Variants in SHANK2 observed in about 807,000 individuals in gnomAD.
The protein encoded by SHANK2 is SH3 and multiple ankyrin repeat domains 2.
In SHANK2, 43 loss-of-function variants were observed where a neutral mutation model predicts 133.7. The observed-to-expected ratio is 0.32, with a 90% CI of 0.25 to 0.41. SHANK2 has a LOEUF of 0.41. Ranked by LOEUF, SHANK2 falls within the 10% of genes least tolerant of loss-of-function variation. SHANK2 has a pLI of 1.00. For missense variants in SHANK2, 1,994 were observed against 2,235.8 expected (o/e 0.89, Z 2.18); for synonymous variants, 1,017 against 952.8 (o/e 1.07, Z -1.24).
intron 17 of SHANK2, among the ~76,000 whole-genome samples, chr11:70,528,234 T>C (rs1278493192): frequency 6.6e-6 from 1 of 152,184 alleles, no homozygotes; most frequent in East Asian, 1.9e-4. Flanking sequence ...GAGGGTCAGG[T>C]TGTCCATGTG....
intron 17 of SHANK2, among the ~76,000 whole-genome samples, chr11:70,550,612 G>A (rs1468815799): frequency 6.6e-6 from 1 of 152,180 alleles, no homozygotes; most frequent in Non-Finnish European, 1.5e-5. Flanking sequence ...CTCGCATTTG[G>A]TCCCGGATTC....
chr11:71,167,415 T>A (rs1340460457), intron 2 of SHANK2, among the ~76,000 whole-genome samples: 1 of 143,676 alleles, frequency 7.0e-6, no homozygotes, highest in Non-Finnish European at 1.5e-5. Flanking sequence ...GGCGGGGGGC[T>A]GACCCCCCCC....
At chr11:71,131,048 G>A (rs1317054608) in intron 3 of SHANK2, among the ~76,000 whole-genome samples, 1 of 152,220 alleles carries the variant, frequency 6.6e-6, no homozygotes, top group African/African-American at 2.4e-5. Flanking sequence ...CACAAGCTTG[G>A]CAGGGGCCAC....
chr11:70,936,250 G>T (rs1276144278), intron 10 of SHANK2, among the ~76,000 whole-genome samples: 1 of 152,198 alleles, frequency 6.6e-6, no homozygotes, highest in Non-Finnish European at 1.5e-5. Flanking sequence ...GGTGGCTCAC[G>T]CCTGTAATCC....
chr11:70,718,592 G>A (rs1328549562), intron 14 of SHANK2, among the ~76,000 whole-genome samples: 1 of 152,218 alleles, frequency 6.6e-6, no homozygotes, highest in Non-Finnish European at 1.5e-5. Flanking sequence ...ATACCTGCAA[G>A]GACTTCTCGG....
chr11:70,571,369 G>T (rs1279878969), intron 17 of SHANK2: 1 of 152,238 alleles, frequency 6.6e-6, no homozygotes, highest in South Asian at 2.1e-4. Context: ...GAGAATCAAC[G>T]CCAGGCTCTC....
chr11:70,547,564 C>T (rs1457091290), intron 17 of SHANK2, among the ~76,000 whole-genome samples: 1 of 152,126 alleles, frequency 6.6e-6, no homozygotes, highest in South Asian at 2.1e-4. Context: ...CCTGTCCTAT[C>T]GCTTTAACTT....
At chr11:70,754,188 C>A (rs1227014648) in intron 14 of SHANK2, among the ~76,000 whole-genome samples, 1 of 152,120 alleles carries the variant, frequency 6.6e-6, no homozygotes, top group Non-Finnish European at 1.5e-5. Context: ...CCAATCATTT[C>A]AAGAAGCAGC....
At chr11:70,494,684 C>T (rs1178798061) in intron 21 of SHANK2, among the ~76,000 whole-genome samples, 3 of 152,210 alleles carry the variant, frequency 2.0e-5, no homozygotes, top group Non-Finnish European at 4.4e-5. Flanking sequence ...AGCACACTTA[C>T]CATGGGGCCC....
chr11:70,704,010 AC>A (rs1287527248), intron 14 of SHANK2, among the ~76,000 whole-genome samples: 1 of 152,208 alleles, frequency 6.6e-6, no homozygotes, highest in Non-Finnish European at 1.5e-5. Context: ...GCCTGGGACC[AC>A]AGCGGGGACA....
At chr11:71,116,753 G>T (rs1017664536) in intron 4 of SHANK2, among the ~76,000 whole-genome samples, 4 of 152,206 alleles carry the variant, frequency 2.6e-5, no homozygotes, top group African/African-American at 9.6e-5. Flanking sequence ...TCCTGGGGCG[G>T]ATCCCTCCTG....
intron 2 of SHANK2, among the ~76,000 whole-genome samples, chr11:71,183,434 ACT>A (rs10559863): frequency 0.36 from 53,945 of 151,906 alleles, 9,755 homozygotes; most frequent in South Asian, 0.5. Context: ...CTGGGCCAAG[ACT>A]CTGGCATGCT....
At chr11:70,826,993 A>T (rs1188321122) in intron 11 of SHANK2, among the ~76,000 whole-genome samples, 2 of 149,958 alleles carry the variant, frequency 1.3e-5, no homozygotes, top group African/African-American at 5.1e-5. Flanking sequence ...TATTTTTTTA[A>T]AAAAAAATTT....
At chr11:70,785,257 A>C (rs562799469) in intron 14 of SHANK2, among the ~76,000 whole-genome samples, 1 of 152,152 alleles carries the variant, frequency 6.6e-6, no homozygotes, top group African/African-American at 2.4e-5. Context: ...CCTCGTCCAC[A>C]CACCATCTTA....
intron 17 of SHANK2, among the ~76,000 whole-genome samples, chr11:70,636,557 A>G (rs1389336503): frequency 1.0e-5 from 1 of 99,296 alleles, no homozygotes; most frequent in Non-Finnish European, 2.1e-5. Context: ...GCGTGTTAGT[A>G]CATGTGCATG....
chr11:70,664,852 C>A (rs1397121458), intron 15 of SHANK2, among the ~76,000 whole-genome samples: 2 of 152,238 alleles, frequency 1.3e-5, no homozygotes, highest in Non-Finnish European at 2.9e-5. Context: ...CCCAGCTTTG[C>A]TTTGACCCCA....
chr11:70,547,527 T>C (rs1554976614), intron 17 of SHANK2, among the ~76,000 whole-genome samples: 2 of 152,062 alleles, frequency 1.3e-5, no homozygotes, highest in Non-Finnish European at 2.9e-5. Flanking sequence ...TCCCAAAATG[T>C]AGGGATTACA....
At chr11:70,583,326 G>A (rs983962769) in intron 17 of SHANK2, among the ~76,000 whole-genome samples, 1 of 152,172 alleles carries the variant, frequency 6.6e-6, no homozygotes, top group African/African-American at 2.4e-5. Context: ...GAGGGCAAGG[G>A]TACAGGGCCA....
chr11:70,734,124 G>A (rs1591796835), intron 14 of SHANK2, among the ~76,000 whole-genome samples: 1 of 152,280 alleles, frequency 6.6e-6, no homozygotes, highest in East Asian at 1.9e-4. Context: ...CGCGCATCTG[G>A]GAGGAGCAGG....
Sources: allele counts gnomAD v4.1 joint callset (sites outside exome capture counted in the v4.1 genomes callset), GRCh38; gene constraint gnomAD v4.1.1; transcripts MANE v1.5; gene names NCBI Gene and HGNC (gene_info 2026-07-23, HGNC 2026-07-21).